Variants in FYN observed in about 807,000 individuals in gnomAD.
The protein encoded by FYN is FYN proto-oncogene, Src family tyrosine kinase, also known as tyrosine-protein kinase Fyn.
A neutral mutation model predicts 70.2 loss-of-function variants in FYN; 10 were observed. That is an observed-to-expected ratio of 0.14 (90% CI 0.09 to 0.24). The LOEUF is 0.24. FYN is among the 10% of genes least tolerant of loss of function. The pLI is 1.00. For missense variants in FYN, 319 were observed against 673.1 expected (o/e 0.47, Z 5.82); for synonymous variants, 236 against 248.6 (o/e 0.95, Z 0.48).
At chr6:111,804,390 G>A (rs1772084795) in intron 2 of FYN, among the ~76,000 whole-genome samples, 1 of 152,182 alleles carries the variant, frequency 6.6e-6, no homozygotes, top group South Asian at 2.1e-4. Flanking sequence ...GAGGTCCCCA[G>A]TAGCTCATAA....
intron 13 of FYN, among the ~76,000 whole-genome samples, chr6:111,664,672 G>A (rs1562458322): frequency 6.6e-6 from 1 of 151,998 alleles, no homozygotes; most frequent in Non-Finnish European, 1.5e-5. Flanking sequence ...GCAGGGTCCT[G>A]GCAGACCCAC....
chr6:111,725,161 AC>A (rs1801137602), intron 3 of FYN, among the ~76,000 whole-genome samples: 1 of 152,176 alleles, frequency 6.6e-6, no homozygotes, highest in South Asian at 2.1e-4. Flanking sequence ...AATTAGAAAC[AC>A]CCATAAGAAT....
intron 2 of FYN, among the ~76,000 whole-genome samples, chr6:111,836,971 T>C (rs1773207275): frequency 6.6e-6 from 1 of 152,216 alleles, no homozygotes; most frequent in South Asian, 2.1e-4. Context: ...TTAGCCAATA[T>C]TTATTAATAC....
At position 111,680,906 on chromosome 6, in the gene FYN, T is replaced by G. The variant is rs577462808; in HGVS notation, c.1274-6276A>C. On this transcript the variant is annotated intron_variant, in intron 12 of 13. Coordinates refer to ENST00000354650, the MANE Select transcript of FYN (RefSeq NM_002037.5). ...ATGTCCTTCCTTTCTTTCCAAGCAT[T>G]TTGTGTGTCTCCCCTGTGGGCTCTT... is the stretch of plus-strand genomic sequence containing the variant. Among the ~76,000 whole-genome samples the G allele has an allele frequency of 3.3e-5, 5 of 152,310 alleles. No homozygotes were observed. In the South Asian group the frequency reaches 1.0e-3, roughly 32 times the overall value.
intron 2 of FYN, among the ~76,000 whole-genome samples, chr6:111,825,353 T>C (rs929543174): frequency 6.6e-6 from 1 of 152,196 alleles, no homozygotes; most frequent in Non-Finnish European, 1.5e-5. Context: ...TTATACTCTA[T>C]AGAGGGTAGC....
chr6:111,809,501 A>G (rs1669487843), intron 2 of FYN, among the ~76,000 whole-genome samples: 1 of 152,228 alleles, frequency 6.6e-6, no homozygotes, highest in African/African-American at 2.4e-5. Context: ...TCCTAGGGAT[A>G]CACCAGGTTA....
At chr6:111,705,647 G>A (rs1800049837) in intron 6 of FYN, among the ~76,000 whole-genome samples, 2 of 152,138 alleles carry the variant, frequency 1.3e-5, no homozygotes, top group South Asian at 2.1e-4. Flanking sequence ...TCTGGAGTTC[G>A]AGGCCACCCT....
At chr6:111,729,487 AG>A (rs143677257) in intron 3 of FYN, among the ~76,000 whole-genome samples, 18,717 of 148,084 alleles carry the variant, frequency 0.13, 2,362 homozygotes, top group African/African-American at 0.32. Flanking sequence ...AAAAAAAAAA[AG>A]GGGGTCGGGG....
rs183045039 is a variant in FYN at position 111,854,418 on chromosome 6, T to C, written c.-122-7789A>G. On this transcript the variant is annotated intron_variant, in intron 1 of 13. Coordinates refer to ENST00000354650, the MANE Select transcript of FYN (RefSeq NM_002037.5). ...AACTCCTTCCGGTCTTGATTGGCAG[T>C]AGGAAAAGTATTCCAGGCCACTGCC... Among the ~76,000 whole-genome samples the C allele has an allele frequency of 2.0e-4, 30 of 152,300 alleles. No homozygotes were observed. In the East Asian group the frequency reaches 2.7e-3, roughly 14 times the overall value.
intron 3 of FYN, among the ~76,000 whole-genome samples, chr6:111,754,910 T>C (rs191369213): frequency 1.1e-3 from 165 of 151,860 alleles, no homozygotes; most frequent in African/African-American, 3.7e-3. Context: ...GAAATTCTGT[T>C]GAGAAAAACT....
At chr6:111,679,521 G>A (rs1456380715) in intron 12 of FYN, among the ~76,000 whole-genome samples, 2 of 152,132 alleles carry the variant, frequency 1.3e-5, no homozygotes, top group Non-Finnish European at 2.9e-5. Context: ...TGATAAACAG[G>A]TGCTGAATGA....
chr6:111,750,976 T>C (rs1003420913), intron 3 of FYN, among the ~76,000 whole-genome samples: 1 of 152,120 alleles, frequency 6.6e-6, no homozygotes, highest in African/African-American at 2.4e-5. Flanking sequence ...TAAGTTTTAC[T>C]TGAAAATGGA....
Position 111,661,727 on chromosome 6 carries a change from C to T in FYN, c.*12G>A, listed in dbSNP as rs1331368954. 6.2e-7 allele frequency: 1 copy of T among 1,610,584 alleles called. No homozygotes were observed. The highest frequency in any genetic ancestry group is 8.5e-7 in the Non-Finnish European group (1 of 1,177,902). On this transcript the variant is annotated 3_prime_UTR_variant, in exon 14 of 14. Coordinates refer to ENST00000354650, the MANE Select transcript of FYN (RefSeq NM_002037.5). This position sits in a 1 kb window ranked among gnomAD's most constrained non-coding sequence, Gnocchi z 4.0. ...GCCTCTGGGACAAGGCCTCTCTCCG[C>T]AGACCCGGGCCTTACAGGTTTTCAC...
At chr6:111,805,465 C>T (rs1562527975) in intron 2 of FYN, among the ~76,000 whole-genome samples, 1 of 152,230 alleles carries the variant, frequency 6.6e-6, no homozygotes, top group Non-Finnish European at 1.5e-5. Flanking sequence ...CAACTCTACA[C>T]ATGTGAGACG....
At chr6:111,849,267 A>C (rs1162723194) in intron 1 of FYN, among the ~76,000 whole-genome samples, 1 of 152,228 alleles carries the variant, frequency 6.6e-6, no homozygotes, top group Non-Finnish European at 1.5e-5. Context: ...CAAGACCCTG[A>C]CCAAAAATGA....
At chr6:111,846,456 G>T in intron 2 of FYN, 133 bp downstream of exon 2, 1 of 397,676 alleles carries the variant, frequency 2.5e-6, no homozygotes, top group South Asian at 1.4e-4. Flanking sequence ...TCTCCAACTC[G>T]ACCTCTCTCT....
intron 2 of FYN, among the ~76,000 whole-genome samples, chr6:111,805,784 CT>C (rs1772128229): frequency 6.6e-6 from 1 of 152,168 alleles, no homozygotes; most frequent in Non-Finnish European, 1.5e-5. Context: ...TCTGAAACCA[CT>C]GCTTTTTCTT....
At chr6:111,777,909 G>A (rs551245588) in intron 3 of FYN, among the ~76,000 whole-genome samples, 19 of 152,278 alleles carry the variant, frequency 1.2e-4, no homozygotes, top group African/African-American at 4.6e-4. Flanking sequence ...GATGAGCTGC[G>A]CCTGGGCTCT....
chr6:111,671,790 G>A (rs1798284396), intron 13 of FYN, among the ~76,000 whole-genome samples: 1 of 152,126 alleles, frequency 6.6e-6, no homozygotes, highest in South Asian at 2.1e-4. Flanking sequence ...GACATCTGAA[G>A]GAAGCTTCGT....
Sources: allele counts gnomAD v4.1 joint callset (sites outside exome capture counted in the v4.1 genomes callset), GRCh38; gene constraint gnomAD v4.1.1; non-coding constraint Gnocchi (gnomAD v3.1); transcripts MANE v1.5; gene names NCBI Gene and HGNC (gene_info 2026-07-23, HGNC 2026-07-21).